Variants in RNF38 observed in about 807,000 individuals in gnomAD.
RNF38 encodes ring finger protein 38.
RNF38 carries 15 observed loss-of-function variants against 67.2 expected under a neutral mutation model. The observed-to-expected ratio is 0.22, with a 90% confidence interval of 0.15 to 0.34. The LOEUF (loss-of-function observed/expected upper bound fraction) is 0.34. Ranked by LOEUF, RNF38 falls within the 10% of genes least tolerant of loss-of-function variation. The probability of loss-of-function intolerance (pLI) is 1.00; values close to 1 mark genes in which losing one functional copy is unlikely to be tolerated. For synonymous variants in RNF38, 220 were observed against 218.8 expected (o/e 1.01, Z -0.05); for missense variants, 524 against 639.9 (o/e 0.82, Z 1.95).
At chr9:36,420,968 G>C (rs1319639379) in intron 2 of RNF38, among the ~76,000 whole-genome samples, 2 of 152,132 alleles carry the variant, frequency 1.3e-5, no homozygotes, top group Non-Finnish European at 2.9e-5. Flanking sequence ...TTAAGCTGGA[G>C]AACAACAGAT....
intron 4 of RNF38, among the ~76,000 whole-genome samples, chr9:36,359,305 T>C (rs1834349533): frequency 6.6e-6 from 1 of 151,770 alleles, no homozygotes; most frequent in African/African-American, 2.4e-5. Context: ...GTAGCCAGAG[T>C]GTAGCTTTGG....
chr9:36,437,397 T>C (rs1839095129), intron 1 of RNF38, among the ~76,000 whole-genome samples: 1 of 152,186 alleles, frequency 6.6e-6, no homozygotes, highest in Admixed American at 6.5e-5. Flanking sequence ...TTACTGGGTA[T>C]CTCACCTAAA....
At chr9:36,367,058 G>A (rs775061904) in intron 4 of RNF38, among the ~76,000 whole-genome samples, 8 of 152,122 alleles carry the variant, frequency 5.3e-5, no homozygotes, top group Non-Finnish European at 1.2e-4. Context: ...GGTATACAGC[G>A]ACTTAAAGTG....
intron 1 of RNF38, among the ~76,000 whole-genome samples, chr9:36,477,020 G>A (rs1387310326): frequency 6.6e-6 from 1 of 152,008 alleles, no homozygotes; most frequent in Non-Finnish European, 1.5e-5. Context: ...GAAGTTTACA[G>A]TCTTAAAGTC....
At chr9:36,456,976 A>G (rs1339465850) in intron 1 of RNF38, among the ~76,000 whole-genome samples, 1 of 152,134 alleles carries the variant, frequency 6.6e-6, no homozygotes, top group East Asian at 1.9e-4. Flanking sequence ...GTAGCAGAAA[A>G]GAACTGCTGG....
chr9:36,390,638 G>C (rs1333220065), intron 1 of RNF38, 22 bp from the exon 2 acceptor site: 1 of 1,613,272 alleles, frequency 6.2e-7, no homozygotes, highest in Admixed American at 1.7e-5. Context: ...AGGAAGAAAA[G>C]GATAGTTCAT....
At chr9:36,358,912 G>GA (rs2133601367) in intron 4 of RNF38, among the ~76,000 whole-genome samples, 1 of 152,174 alleles carries the variant, frequency 6.6e-6, no homozygotes, top group East Asian at 1.9e-4. Flanking sequence ...TTGGGAGGCT[G>GA]AGGCAGGAGA....
chr9:36,342,270 G>A, intron 11 of RNF38, 55 bp downstream of exon 11: 2 of 1,235,502 alleles, frequency 1.6e-6, no homozygotes, highest in Admixed American at 3.4e-5. Context: ...TCTAATCCAT[G>A]GTCAATAAAA....
intron 1 of RNF38, among the ~76,000 whole-genome samples, chr9:36,444,683 C>T (rs1839262299): frequency 6.6e-6 from 1 of 151,974 alleles, no homozygotes; most frequent in African/African-American, 2.4e-5. Flanking sequence ...ACCTATAGTC[C>T]CAGCTACTTG....
At chr9:36,386,562 T>A (rs1225209616) in intron 2 of RNF38, among the ~76,000 whole-genome samples, 1 of 152,200 alleles carries the variant, frequency 6.6e-6, no homozygotes, top group Non-Finnish European at 1.5e-5. Context: ...AAAATAAGAC[T>A]GAGACCTGCT....
At chr9:36,402,417 T>C (rs868607798), upstream of RNF38, among the ~76,000 whole-genome samples, 1 of 151,452 alleles carries the variant, frequency 6.6e-6, no homozygotes, top group Non-Finnish European at 1.5e-5. Context: ...CTATTTTCTA[T>C]CCTCTGTATC....
chr9:36,420,177 C>T (rs1199312196), intron 2 of RNF38, among the ~76,000 whole-genome samples: 2 of 152,134 alleles, frequency 1.3e-5, no homozygotes, highest in Non-Finnish European at 2.9e-5. Context: ...TCAGATTCCT[C>T]ACTGATAAAA....
chr9:36,378,972 C>T (rs1012596711), intron 2 of RNF38, among the ~76,000 whole-genome samples: 1 of 151,458 alleles, frequency 6.6e-6, no homozygotes, highest in Non-Finnish European at 1.5e-5. Flanking sequence ...CTCATCTCGG[C>T]TCACCGCAAC....
chr9:36,412,316 A>G (rs1379117428), intron 2 of RNF38, among the ~76,000 whole-genome samples: 1 of 152,154 alleles, frequency 6.6e-6, no homozygotes, highest in East Asian at 1.9e-4. Flanking sequence ...TGTTCTTTCC[A>G]TGACCCTGAT....
intron 1 of RNF38, among the ~76,000 whole-genome samples, chr9:36,459,851 A>C (rs1839685618): frequency 6.6e-6 from 1 of 151,868 alleles, no homozygotes; most frequent in Non-Finnish European, 1.5e-5. Flanking sequence ...GAAAATTGAG[A>C]AAGGATTATT....
rs1010525122 is a variant in RNF38 at position 36,434,257 on chromosome 9, G to C, written n.242-9574C>G. ...CTGAGAAAGGGGAAGGGAGGGGAGG[G>C]GAGAGGGGAGGGGGGGAAGGGATAG... On this transcript the variant is annotated intron_variant and non_coding_transcript_variant, in intron 1 of 3. Coordinates refer to the RNF38 transcript ENST00000488058. Among the ~76,000 whole-genome samples the C allele has an allele frequency of 6.3e-4, 81 of 128,416 alleles. 1 individual carries two copies. Among genetic ancestry groups the C allele is most frequent in the African/African-American group, 2.3e-3 (80 of 34,082 alleles). The allele number at this position is 128,416 out of a possible 152,430, so 84.2% of individuals were successfully genotyped here. A position where few individuals can be genotyped will look rare whatever the true frequency, so the allele number is the denominator to read the frequency against.
chr9:36,368,382 A>AC (rs1371732389), intron 4 of RNF38, among the ~76,000 whole-genome samples: 3 of 150,550 alleles, frequency 2.0e-5, no homozygotes, highest in Non-Finnish European at 4.4e-5. Context: ...ACTAACCACC[A>AC]CCCCTCCTTC....
intron 3 of RNF38, among the ~76,000 whole-genome samples, chr9:36,372,141 G>A (rs1587536639): frequency 1.3e-5 from 2 of 151,962 alleles, no homozygotes; most frequent in Admixed American, 1.3e-4. Flanking sequence ...ATATTGGCCA[G>A]GCTGGTCTTG....
At chr9:36,360,098 G>A (rs879648686) in intron 4 of RNF38, among the ~76,000 whole-genome samples, 7 of 151,694 alleles carry the variant, frequency 4.6e-5, no homozygotes, top group Admixed American at 6.6e-5. Context: ...TGAATATCAC[G>A]GTTCTGTCTT....
Sources: allele counts gnomAD v4.1 joint callset (sites outside exome capture counted in the v4.1 genomes callset), GRCh38; gene constraint gnomAD v4.1.1; transcripts MANE v1.5; gene names NCBI Gene and HGNC (gene_info 2026-07-23, HGNC 2026-07-21).